PAFAH2: variants seen among roughly 807,000 people sequenced by gnomAD.
PAFAH2 encodes platelet-activating factor acetylhydrolase 2, cytoplasmic.
A neutral mutation model predicts 49.0 loss-of-function variants in PAFAH2; 42 were observed. The ratio of observed to expected loss-of-function variants is 0.86; its 90% CI spans 0.67 to 1.11. PAFAH2 has a LOEUF of 1.11. Ranked by LOEUF, PAFAH2 falls within the 50% of genes least tolerant of loss-of-function variation. The probability of loss-of-function intolerance (pLI) is 0.00; values close to 1 mark genes in which losing one functional copy is unlikely to be tolerated. For missense variants in PAFAH2, 503 were observed against 501.8 expected (o/e 1.00, Z -0.02); for synonymous variants, 184 against 181.3 (o/e 1.01, Z -0.12).
intron 1 of PAFAH2, among the ~76,000 whole-genome samples, chr1:25,991,220 A>G (rs1344371118): frequency 6.6e-6 from 1 of 152,142 alleles, no homozygotes; most frequent in Non-Finnish European, 1.5e-5. Context: ...TTAGCACTGT[A>G]CTGACCTCTT....
In PAFAH2 at chr1:25,989,431, G is replaced by GC. The variant is rs1366017600; in HGVS notation, c.244+16_244+17insG. On this transcript the variant is annotated intron_variant, in intron 3 of 10. Coordinates refer to ENST00000374282, the MANE Select transcript of PAFAH2 (RefSeq NM_000437.4). ...CAAGCAACTGGGAAAGCATGCAGAG[G>GC]TCAGGCCAGCCCTTACCCACCGCCA... 1 of 1,565,640 alleles carries GC rather than the reference G, an allele frequency of 6.4e-7. No individual in the cohort carries two copies. The highest frequency in any genetic ancestry group is 1.4e-5 in the African/African-American group (1 of 73,220).
intron 2 of PAFAH2, among the ~76,000 whole-genome samples, chr1:25,989,851 C>A (rs1179525276): frequency 6.6e-6 from 1 of 152,130 alleles, no homozygotes; most frequent in Non-Finnish European, 1.5e-5. Context: ...TGGGAGGGGG[C>A]ACCAAAAATA....
rs1454092353 is a variant in PAFAH2, at chr1:25,961,719, T to G, written c.*270A>C. 14 of 328,218 alleles carry G rather than the reference T, an allele frequency of 4.3e-5. No individual in the cohort carries two copies. Among genetic ancestry groups the G allele is most frequent in the Non-Finnish European group, 3.9e-5 (7 of 179,698 alleles). 20.3% of individuals were successfully genotyped at this position (328,218 alleles called of 1,614,324 possible). A position where few individuals can be genotyped will look rare whatever the true frequency, so the allele number is the denominator to read the frequency against. On this transcript the variant is annotated 3_prime_UTR_variant, in exon 11 of 11. Transcript: ENST00000374282. ...CAGTGCTCAGCCCGGGGCCTGGGTC[T>G]CCCCCAGTCCCACTCTACTGCTTGT...
chr1:25,983,648 G>A (rs148465297), intron 6 of PAFAH2, among the ~76,000 whole-genome samples: 2 of 152,162 alleles, frequency 1.3e-5, no homozygotes, highest in Non-Finnish European at 2.9e-5. Context: ...AGACAGAAAT[G>A]AGGATGAAGA....
At chr1:25,963,243 A>G (rs1291113979) in intron 10 of PAFAH2, among the ~76,000 whole-genome samples, 1 of 152,218 alleles carries the variant, frequency 6.6e-6, no homozygotes, top group Non-Finnish European at 1.5e-5. Context: ...CATAGTCATT[A>G]ATTCAAAAAA....
Position 25,984,079 on chromosome 1 carries a change from G to T in PAFAH2, c.419C>A (p.Ser140Ter), listed in dbSNP as rs757082514. 1 of 1,614,020 alleles carries T rather than the reference G, an allele frequency of 6.2e-7. No individual in the cohort carries two copies. The highest frequency in any genetic ancestry group is 8.5e-7 in the Non-Finnish European group (1 of 1,179,948). The change falls in exon 6 of 11, where the codon TCA becomes TAA. Residue 140 changes from serine (S) to a stop codon, truncating the protein, a stop_gained. Transcript: ENST00000374282. LOFTEE classifies it high-confidence loss of function. ...CTTGCAGAAATAGGTGGTTGCCGCTGACCGGTCCCTGAAATACACACATCA... is the reference window on the plus strand; with the variant it reads ...CTTGCAGAAATAGGTGGTTGCCGCTTACCGGTCCCTGAAATACACACATCA... The part of the protein sequence containing the change: ...VVAVPEHRDR[S>*]AATTYFCKQA...
At chr1:25,986,069 A>G (rs747820959) in intron 4 of PAFAH2, among the ~76,000 whole-genome samples, 2 of 152,260 alleles carry the variant, frequency 1.3e-5, no homozygotes, top group Non-Finnish European at 2.9e-5. Context: ...CAGAAGGCTT[A>G]CAATCTAGTG....
At chr1:25,974,385 T>C (rs965117765) in intron 9 of PAFAH2, 95 bp downstream of exon 9, 6 of 1,012,308 alleles carry the variant, frequency 5.9e-6, no homozygotes, top group Middle Eastern at 2.7e-4. Context: ...ATCCTACTAA[T>C]GGGTAGAAAG....
At chr1:25,966,837 C>T (rs2049430792) in intron 10 of PAFAH2, among the ~76,000 whole-genome samples, 2 of 152,016 alleles carry the variant, frequency 1.3e-5, no homozygotes, top group Non-Finnish European at 2.9e-5. Context: ...CAAGACCATC[C>T]TGGCTAACAT....
intron 9 of PAFAH2, among the ~76,000 whole-genome samples, 188 bp downstream of exon 9, chr1:25,974,292 T>C (rs1424146159): frequency 6.6e-6 from 1 of 152,288 alleles, no homozygotes; most frequent in East Asian, 1.9e-4. Context: ...AATAAATCAC[T>C]GTAGATGGAG....
chr1:25,979,447 G>A (rs141236882), intron 7 of PAFAH2, among the ~76,000 whole-genome samples: 8 of 151,780 alleles, frequency 5.3e-5, no homozygotes, highest in African/African-American at 1.5e-4. Context: ...TCAGCATCCC[G>A]AGTACCTGGA....
chr1:25,984,327 T>A, intron 5 of PAFAH2, 133 bp downstream of exon 5: 1 of 807,962 alleles, frequency 1.2e-6, no homozygotes, highest in East Asian at 2.7e-5. Context: ...AAACCTTGGT[T>A]TTCTCTCCTT....
intron 10 of PAFAH2, among the ~76,000 whole-genome samples, chr1:25,968,303 C>T (rs142910007): frequency 7.2e-4 from 110 of 152,058 alleles, no homozygotes; most frequent in African/African-American, 2.6e-3. Context: ...ACTCTAGTAA[C>T]CGAAAGGAAA....
chr1:25,990,675 C>T (rs1310131322), intron 2 of PAFAH2, 52 bp downstream of exon 2: 62 of 1,417,444 alleles, frequency 4.4e-5, no homozygotes, highest in African/African-American at 1.8e-4. Flanking sequence ...CAGTAAGTCA[C>T]GGTGCCGGCA....
intron 10 of PAFAH2, among the ~76,000 whole-genome samples, chr1:25,966,568 T>A (rs1384074748): frequency 6.6e-6 from 1 of 152,060 alleles, no homozygotes; most frequent in Non-Finnish European, 1.5e-5. Flanking sequence ...AGCTAAATGA[T>A]GGGTACACAT....
chr1:25,988,557 G>T (rs1482392686), intron 3 of PAFAH2, among the ~76,000 whole-genome samples: 4 of 151,986 alleles, frequency 2.6e-5, no homozygotes, highest in Non-Finnish European at 5.9e-5. Flanking sequence ...GCTCACGCCT[G>T]TATTCCCAGC....
intron 4 of PAFAH2, among the ~76,000 whole-genome samples, chr1:25,987,133 C>T (rs1304240710): frequency 6.6e-6 from 1 of 151,476 alleles, no homozygotes; most frequent in Non-Finnish European, 1.5e-5. Flanking sequence ...TACTTGGAGG[C>T]TGAGGCAGAA....
intron 6 of PAFAH2, 61 bp from the exon 7 acceptor site, chr1:25,982,538 C>T: frequency 1.6e-6 from 2 of 1,287,204 alleles, no homozygotes; most frequent in Non-Finnish European, 2.2e-6. Flanking sequence ...CGAGAATCTC[C>T]CTCACGTACA....
In PAFAH2 at chr1:25,986,518, T is replaced by C. The variant is rs567041638; in HGVS notation, c.341+1713A>G. Among the ~76,000 whole-genome samples the C allele has an allele frequency of 4.6e-5, 7 of 152,260 alleles. No homozygotes were observed. In the South Asian group the frequency reaches 1.0e-3, roughly 23 times the overall value. On this transcript the variant is annotated intron_variant, in intron 4 of 10. Coordinates refer to ENST00000374282, the MANE Select transcript of PAFAH2 (RefSeq NM_000437.4). ...AGACCATGAAAAGAACTGAATTAGG[T>C]TCAAAGAGCTATTAAATTTTTTTTT...
Sources: allele counts gnomAD v4.1 joint callset (sites outside exome capture counted in the v4.1 genomes callset), GRCh38; gene constraint gnomAD v4.1.1; transcripts MANE v1.5; gene names NCBI Gene and HGNC (gene_info 2026-07-23, HGNC 2026-07-21).